The following ADD3 variants were observed in gnomAD, a reference collection of about 807,000 sequenced individuals.
ADD3 encodes the protein gamma-adducin.
Under a neutral mutation model 80.2 loss-of-function variants are expected in ADD3, and 25 were observed. That is an observed-to-expected ratio of 0.31 (90% CI 0.23 to 0.44). ADD3 has a LOEUF of 0.44. ADD3 is among the 20% of genes least tolerant of loss of function. The pLI, the probability that ADD3 is intolerant of heterozygous loss-of-function variation, is 1.00. For missense variants in ADD3, 829 were observed against 847.5 expected (o/e 0.98, Z 0.27); for synonymous variants, 284 against 289.6 (o/e 0.98, Z 0.20).
chr10:110,087,647 T>G (rs1846962705), intron 1 of ADD3, among the ~76,000 whole-genome samples: 1 of 152,208 alleles, frequency 6.6e-6, no homozygotes, highest in Non-Finnish European at 1.5e-5. Flanking sequence ...ATATCAGATG[T>G]CTTGTTCAGG....
At chr10:110,000,582 T>C (rs1243681207) in intron 1 of ADD3, among the ~76,000 whole-genome samples, 3 of 152,256 alleles carry the variant, frequency 2.0e-5, no homozygotes, top group African/African-American at 4.8e-5. Flanking sequence ...TTCTGTTATG[T>C]TTATAAACTC....
intron 1 of ADD3, among the ~76,000 whole-genome samples, chr10:110,008,824 C>T (rs935828417): frequency 2.0e-5 from 3 of 152,084 alleles, no homozygotes; most frequent in African/African-American, 7.2e-5. Flanking sequence ...TCACCTTTCT[C>T]CTATAATCCG....
At chr10:110,102,623 G>T (rs1459168536) in intron 2 of ADD3, among the ~76,000 whole-genome samples, 1 of 152,030 alleles carries the variant, frequency 6.6e-6, no homozygotes, top group Non-Finnish European at 1.5e-5. Context: ...AATTTTAAAA[G>T]AACTTATCAA....
In ADD3 at chr10:110,122,198, C is replaced by T. The variant is rs563431160; in HGVS notation, c.1049C>T (p.Ala350Val). 1.0e-4 allele frequency: 164 copies of T among 1,614,050 alleles called. 4 individuals carry two copies. The South Asian group carries it at 1.0e-3, about 10-fold the overall frequency. ...KYKAFTYTVA[A>V]SGGGGVNMGS... is the part of the protein sequence containing the mutation. ...AAAGCTTTCACTTACACTGTAGCAG[C>T]GTCTGGTGGAGGAGGTGTGAATATG... The change falls in exon 9 of 15, where the codon GCG becomes GTG. Residue 350 changes from alanine (A) to valine (V), a missense_variant. By Grantham distance (64) the Ala-to-Val change is moderately conservative. Coordinates refer to ENST00000356080, the MANE Select transcript of ADD3 (RefSeq NM_016824.5).
At chr10:110,127,949 T>A (rs1008840174) in intron 12 of ADD3, among the ~76,000 whole-genome samples, 3 of 152,186 alleles carry the variant, frequency 2.0e-5, no homozygotes, top group African/African-American at 7.2e-5. Flanking sequence ...TATAGAATAG[T>A]TTAGAAATAA....
chr10:110,053,285 A>G (rs1329689972), intron 1 of ADD3, among the ~76,000 whole-genome samples: 3 of 151,926 alleles, frequency 2.0e-5, no homozygotes, highest in African/African-American at 7.3e-5. Context: ...CTGCTTGGGT[A>G]TAATGTGGAT....
intron 2 of ADD3, among the ~76,000 whole-genome samples, chr10:110,104,972 A>G (rs931315447): frequency 6.6e-6 from 1 of 152,186 alleles, no homozygotes; most frequent in African/African-American, 2.4e-5. Context: ...ATGTTTTTAT[A>G]TCATCTTATT....
intron 1 of ADD3, among the ~76,000 whole-genome samples, chr10:110,067,759 G>A (rs567007863): frequency 2.0e-5 from 3 of 152,026 alleles, no homozygotes; most frequent in African/African-American, 7.2e-5. Flanking sequence ...TAATGTTCTG[G>A]GTTTACATAG....
chr10:110,110,878 C>G (rs150710475), intron 2 of ADD3, among the ~76,000 whole-genome samples: 1 of 151,934 alleles, frequency 6.6e-6, no homozygotes, highest in South Asian at 2.1e-4. Flanking sequence ...ACCTATAATC[C>G]CAGCTACTTG....
upstream of ADD3, among the ~76,000 whole-genome samples, chr10:110,007,525 C>T (rs949295968): frequency 6.6e-6 from 1 of 152,274 alleles, no homozygotes; most frequent in Admixed American, 6.5e-5. Flanking sequence ...TCCGAGGCGC[C>T]CCTCCTCCCC....
At chr10:110,029,585 G>C (rs1397810560) in intron 1 of ADD3, among the ~76,000 whole-genome samples, 1 of 152,188 alleles carries the variant, frequency 6.6e-6, no homozygotes, top group African/African-American at 2.4e-5. Flanking sequence ...TAGATGATTA[G>C]ATAAGGGCTT....
intron 12 of ADD3, among the ~76,000 whole-genome samples, chr10:110,129,395 C>T (rs945342958): frequency 4.6e-5 from 7 of 152,080 alleles, no homozygotes; most frequent in African/African-American, 7.2e-5. Flanking sequence ...GTGATCTGCT[C>T]GCCTTGGCCT....
chr10:110,085,617 T>C (rs1846630715), intron 1 of ADD3, among the ~76,000 whole-genome samples: 1 of 152,218 alleles, frequency 6.6e-6, no homozygotes, highest in South Asian at 2.1e-4. Context: ...TACTGCCATA[T>C]GCAAAGATGT....
chr10:110,068,850 C>G (rs1027811502), intron 1 of ADD3, among the ~76,000 whole-genome samples: 1 of 152,044 alleles, frequency 6.6e-6, no homozygotes, highest in African/African-American at 2.4e-5. Context: ...GCTGAGGGAG[C>G]TGGATCACTT....
At chr10:110,088,513 A>G (rs181930723) in intron 1 of ADD3, among the ~76,000 whole-genome samples, 40 of 152,352 alleles carry the variant, frequency 2.6e-4, no homozygotes, top group African/African-American at 9.1e-4. Context: ...TCATAAACAA[A>G]ACAGATCAAG....
intron 1 of ADD3, among the ~76,000 whole-genome samples, chr10:110,081,141 T>G (rs576393778): frequency 6.6e-6 from 1 of 152,348 alleles, no homozygotes; most frequent in South Asian, 2.1e-4. Flanking sequence ...TACCTTAGTT[T>G]CTTTGCAGAA....
At chr10:110,036,815 A>G (rs1855722164) in intron 1 of ADD3, among the ~76,000 whole-genome samples, 1 of 152,150 alleles carries the variant, frequency 6.6e-6, no homozygotes, top group Non-Finnish European at 1.5e-5. Context: ...TGTGCAGGTC[A>G]TTCCCCAGCA....
intron 12 of ADD3, 152 bp from the exon 13 acceptor site, chr10:110,130,211 A>T (rs143436911): frequency 1.3e-6 from 1 of 752,608 alleles, no homozygotes; most frequent in Non-Finnish European, 2.1e-6. Context: ...AGCATTTTAA[A>T]CAAAGCATGT....
At chr10:110,111,049 C>T (rs936412238) in intron 2 of ADD3, among the ~76,000 whole-genome samples, 2 of 152,076 alleles carry the variant, frequency 1.3e-5, no homozygotes, top group African/African-American at 2.4e-5. Context: ...TCCATCTAAG[C>T]GGAGATTCCA....
Sources: allele counts gnomAD v4.1 joint callset (sites outside exome capture counted in the v4.1 genomes callset), GRCh38; gene constraint gnomAD v4.1.1; transcripts MANE v1.5; gene names NCBI Gene and HGNC (gene_info 2026-07-23, HGNC 2026-07-21).